ZNF589: variants seen among roughly 807,000 people sequenced by gnomAD.
ZNF589 encodes the protein zinc finger protein 589.
A neutral mutation model predicts 13.6 loss-of-function variants in ZNF589; 17 were observed. That is an observed-to-expected ratio of 1.25 (90% CI 0.86 to 1.88). The LOEUF (loss-of-function observed/expected upper bound fraction) is 1.88. Ranked by LOEUF, ZNF589 falls within the 40% of genes most tolerant of loss-of-function variation. The pLI, the probability that ZNF589 is intolerant of heterozygous loss-of-function variation, is 0.00. For synonymous variants in ZNF589, 148 were observed against 161.6 expected (o/e 0.92, Z 0.64); for missense variants, 407 against 434.0 (o/e 0.94, Z 0.55).
intron 2 of ZNF589, among the ~76,000 whole-genome samples, chr3:48,255,571 G>A (rs1338535316): frequency 2.3e-5 from 3 of 133,314 alleles, no homozygotes; most frequent in African/African-American, 8.6e-5. Flanking sequence ...TTGGCTCACC[G>A]CAACCTCCGC....
At chr3:48,257,258 TG>T (rs2033914168) in intron 2 of ZNF589, among the ~76,000 whole-genome samples, 1 of 139,256 alleles carries the variant, frequency 7.2e-6, no homozygotes, top group African/African-American at 3.4e-5. Context: ...GTTTTTGTTT[TG>T]TTTTTTGTTT....
rs1467223618 is a variant in ZNF589 at position 48,270,937 on chromosome 3, C to T, written c.*2151C>T. On this transcript the variant is annotated 3_prime_UTR_variant, in exon 4 of 4. Coordinates refer to ENST00000354698, the MANE Select transcript of ZNF589 (RefSeq NM_016089.3). ...TGGAATTGGTGGGTTCTTGGTCTTGCTGACTTCAAGAATGAAGCCGTGGAC... is the reference window on the plus strand; with the variant it reads ...TGGAATTGGTGGGTTCTTGGTCTTGTTGACTTCAAGAATGAAGCCGTGGAC... 5.0e-6 allele frequency: 1 copy of T among 198,758 alleles called. No homozygotes were observed. Among genetic ancestry groups the T allele is most frequent in the South Asian group, 1.1e-4 (1 of 9,484 alleles). The allele number at this position is 198,758 out of a possible 1,614,324, so 12.3% of individuals were successfully genotyped here. A position where few individuals can be genotyped will look rare whatever the true frequency, so the allele number is the denominator to read the frequency against.
At chr3:48,260,960 T>C (rs1347341010) in intron 3 of ZNF589, 21 bp downstream of exon 3, 1 of 1,613,714 alleles carries the variant, frequency 6.2e-7, no homozygotes, top group Admixed American at 1.7e-5. Context: ...GTTCTCTTCC[T>C]TCATTTTTCC....
intron 3 of ZNF589, among the ~76,000 whole-genome samples, chr3:48,261,213 G>GGAGAT (rs1295422896): frequency 1.3e-5 from 2 of 152,114 alleles, no homozygotes; most frequent in African/African-American, 4.8e-5. Context: ...GTAGATTAAG[G>GGAGAT]GAGATCTGAA....
chr3:48,262,855 T>C (rs931497774), intron 3 of ZNF589, among the ~76,000 whole-genome samples: 3 of 152,118 alleles, frequency 2.0e-5, no homozygotes, highest in Non-Finnish European at 4.4e-5. Flanking sequence ...TTCACCAATA[T>C]GAAAAAAAAA....
chr3:48,253,783 T>A (rs2033867182), intron 2 of ZNF589, among the ~76,000 whole-genome samples: 1 of 152,178 alleles, frequency 6.6e-6, no homozygotes, highest in African/African-American at 2.4e-5. Flanking sequence ...ATTACAGGCG[T>A]GAGCCACCGT....
chr3:48,269,005 C>A lies in ZNF589; in HGVS notation c.*219C>A. 1 of 738,484 alleles carries A rather than the reference C, an allele frequency of 1.4e-6. No homozygotes were observed. Among genetic ancestry groups the A allele is most frequent in the Non-Finnish European group, 2.2e-6 (1 of 444,488 alleles). 45.7% of individuals were successfully genotyped at this position (738,484 alleles called of 1,614,324 possible). ...CGCTCAAATCACATCGGAGAACACA[C>A]TCAGGGGAGAAGCCTTATGTGTGTG... On this transcript the variant is annotated 3_prime_UTR_variant, in exon 4 of 4. Coordinates refer to ENST00000354698, the MANE Select transcript of ZNF589 (RefSeq NM_016089.3).
At position 48,250,342 on chromosome 3, in the gene ZNF589, G is replaced by A. The variant is rs1267049042; in HGVS notation, c.96+2665G>A. ...TTTTTTTTTTTAATTAAATAGAGAC[G>A]GGTCTCACTATGTTGCCCAGGCTGG... On this transcript the variant is annotated intron_variant, in intron 2 of 3. Transcript: ENST00000354698. Among the ~76,000 whole-genome samples, 15 of 145,828 alleles carry A rather than the reference G, an allele frequency of 1.0e-4. No individual in the cohort carries two copies. In the South Asian group the frequency reaches 1.3e-3, roughly 13 times the overall value.
At chr3:48,260,739 C>T (rs2033962374) in intron 2 of ZNF589, 74 bp from the exon 3 acceptor site, 4 of 1,604,202 alleles carry the variant, frequency 2.5e-6, no homozygotes, top group African/African-American at 1.3e-5. Flanking sequence ...CTAGATGCTC[C>T]AAGACCACCA....
In ZNF589 at chr3:48,253,466, C is replaced by T. The variant is rs534277041; in HGVS notation, c.96+5789C>T. 4.6e-5 allele frequency among the ~76,000 whole-genome samples: 7 copies of T among 151,052 alleles called. No homozygotes were observed. In the South Asian group the frequency reaches 1.5e-3, roughly 32 times the overall value. Reference sequence around the variant, plus strand: ...AGGTTATCATGTTACACTTAGTTGTCACGTCTCCAAGGTAGTACTAGTCAT... The same window carrying T: ...AGGTTATCATGTTACACTTAGTTGTTACGTCTCCAAGGTAGTACTAGTCAT... On this transcript the variant is annotated intron_variant, in intron 2 of 3. Coordinates refer to ENST00000354698, the MANE Select transcript of ZNF589 (RefSeq NM_016089.3).
chr3:48,252,458 TG>T (rs1300432326), intron 2 of ZNF589, among the ~76,000 whole-genome samples: 1 of 151,880 alleles, frequency 6.6e-6, no homozygotes, highest in East Asian at 1.9e-4. Flanking sequence ...CCCAAAGTGC[TG>T]GGATTACAGG....
At chr3:48,242,234 C>A (rs748905799) in intron 1 of ZNF589, among the ~76,000 whole-genome samples, 1 of 152,122 alleles carries the variant, frequency 6.6e-6, no homozygotes, top group Non-Finnish European at 1.5e-5. Flanking sequence ...CCTCAGCCTA[C>A]CAAGCGGCTG....
rs748688044 is a variant in ZNF589 at position 48,260,866 on chromosome 3, G to T, written c.150G>T (p.Lys50Asn). The T allele has an allele frequency of 6.2e-7, 1 of 1,614,196 alleles. No homozygotes were observed. The highest frequency in any genetic ancestry group is 1.1e-5 in the South Asian group (1 of 91,084). Reference sequence around the variant, plus strand: ...TGCTTTTCACTGAGGCAGAGTGGAAGAGACTGAGCCTTGAGCAGAGGAACC... The same window carrying T: ...TGCTTTTCACTGAGGCAGAGTGGAATAGACTGAGCCTTGAGCAGAGGAACC... Reference protein sequence around the residue: ...VAVLFTEAEWKRLSLEQRNLY... With the variant: ...VAVLFTEAEWNRLSLEQRNLY... Residue 50 changes from lysine to asparagine, a missense_variant, in exon 3 of 4, where the codon AAG becomes AAT. Physicochemically the swap from Lys to Asn is moderately conservative, Grantham distance 94 (BLOSUM62 0). Coordinates refer to ENST00000354698, the MANE Select transcript of ZNF589 (RefSeq NM_016089.3).
At chr3:48,250,454 C>T (rs1308628928) in intron 2 of ZNF589, among the ~76,000 whole-genome samples, 1 of 151,168 alleles carries the variant, frequency 6.6e-6, no homozygotes, top group Non-Finnish European at 1.5e-5. Flanking sequence ...ACTTGGCCTA[C>T]TCTCTGCTTC....
rs557005549 is a variant in ZNF589 at position 48,270,805 on chromosome 3, G to A, written c.*2019G>A. 2.1e-4 allele frequency: 33 copies of A among 160,190 alleles called. 1 individual carries two copies. The South Asian group carries it at 4.9e-3, about 24-fold the overall frequency. The allele number at this position is 160,190 out of a possible 1,614,324, so 9.9% of individuals were successfully genotyped here. Reference sequence around the variant, plus strand: ...TTTTGTCCACTCCCTCTCACTGGAAGTGGTTGATCTCCAGGGAATCCCCAA... The same window carrying A: ...TTTTGTCCACTCCCTCTCACTGGAAATGGTTGATCTCCAGGGAATCCCCAA... On this transcript the variant is annotated 3_prime_UTR_variant, in exon 4 of 4. Coordinates refer to ENST00000354698, the MANE Select transcript of ZNF589 (RefSeq NM_016089.3).
Position 48,268,278 on chromosome 3 carries a change from G to C in ZNF589, c.587G>C (p.Ser196Thr). The change falls in exon 4 of 4, where the codon AGC (serine) becomes ACC (threonine). Residue 196 changes from serine (S) to threonine (T), a missense_variant. Physicochemically the swap from Ser to Thr is moderately conservative, Grantham distance 58. Coordinates refer to ENST00000354698, the MANE Select transcript of ZNF589 (RefSeq NM_016089.3). ...CAGCTCAGTCCAGCCCAGAATGCAAGCTCTGAGGAAGTAGACAGAATTTCC... is the reference window on the plus strand; with the variant it reads ...CAGCTCAGTCCAGCCCAGAATGCAACCTCTGAGGAAGTAGACAGAATTTCC... ...EIQLSPAQNA[S>T]SEEVDRISKR... 1 of 1,611,914 alleles carries C rather than the reference G, an allele frequency of 6.2e-7. No homozygotes were observed. Among genetic ancestry groups the C allele is most frequent in the Non-Finnish European group, 8.5e-7 (1 of 1,178,602 alleles).
chr3:48,260,402 G>A (rs966584039), intron 2 of ZNF589, among the ~76,000 whole-genome samples: 1 of 151,746 alleles, frequency 6.6e-6, no homozygotes, highest in Non-Finnish European at 1.5e-5. Flanking sequence ...AGCCTCCCAA[G>A]TAGCAGATCC....
intron 1 of ZNF589, 108 bp downstream of exon 1, chr3:48,241,322 G>A: frequency 7.1e-7 from 1 of 1,416,362 alleles, no homozygotes; most frequent in Non-Finnish European, 9.6e-7. Context: ...CGAGCTGTGT[G>A]AGGCGCTGAC....
chr3:48,252,483 G>A (rs1323883609), intron 2 of ZNF589, among the ~76,000 whole-genome samples: 1 of 151,774 alleles, frequency 6.6e-6, no homozygotes, highest in Non-Finnish European at 1.5e-5. Context: ...GAGCCACCAT[G>A]CCCAGCTGTC....
Sources: allele counts gnomAD v4.1 joint callset (sites outside exome capture counted in the v4.1 genomes callset), GRCh38; gene constraint gnomAD v4.1.1; transcripts MANE v1.5; gene names NCBI Gene and HGNC (gene_info 2026-07-23, HGNC 2026-07-21).